ABR: variants seen among roughly 807,000 people sequenced by gnomAD.
ABR encodes the protein active breakpoint cluster region-related protein.
A neutral mutation model predicts 107.2 loss-of-function variants in ABR; 35 were observed. The ratio of observed to expected loss-of-function variants is 0.33; its 90% CI spans 0.25 to 0.43. The LOEUF (loss-of-function observed/expected upper bound fraction) is 0.43. Ranked by LOEUF, ABR falls within the 20% of genes least tolerant of loss-of-function variation. ABR has a pLI of 1.00. For synonymous variants in ABR, 498 were observed against 462.0 expected, an observed-to-expected ratio of 1.08 and a Z score of -1.00; for missense variants, 815 against 1,115.2, an observed-to-expected ratio of 0.73 and a Z score of 3.83.
chr17:1,200,514 T>C lies in ABR; in HGVS notation c.838+28279A>G, dbSNP rs1029031404. ...TCCTGGGGCCAATCCCCCATGAAAA[T>C]GGAGGGACAGGTGTAATTGGAGTGG... On this transcript the variant is annotated intron_variant, in intron 1 of 22. Coordinates refer to the ABR transcript ENST00000574139. The surrounding 1 kb of genome is among the most constrained non-coding windows in gnomAD (Gnocchi z 4.1). Among the ~76,000 whole-genome samples the C allele has an allele frequency of 1.3e-5, 2 of 151,618 alleles. No homozygotes were observed. Among genetic ancestry groups the C allele is most frequent in the African/African-American group, 2.4e-5 (1 of 41,254 alleles).
rs555195347 is a variant in ABR at position 1,020,396 on chromosome 17, TTGTC to T, written c.1792-7236_1792-7233del. Among the ~76,000 whole-genome samples the T allele has an allele frequency of 3.8e-4, 58 of 152,344 alleles. No homozygotes were observed. The East Asian group carries it at 5.6e-3, about 15-fold the overall frequency. On this transcript the variant is annotated intron_variant, in intron 16 of 22. Coordinates refer to ENST00000302538, the MANE Select transcript of ABR (RefSeq NM_021962.5). ...CTGCATCCGGCCGACTGTTTTCTCTTTGTCTGGGCACTTCGCCTGGTCAAATCAT... is the reference window on the plus strand; with the variant it reads ...CTGCATCCGGCCGACTGTTTTCTCTTTGGGCACTTCGCCTGGTCAAATCAT...
At chr17:1,064,275 G>C (rs1597630332) in intron 10 of ABR, among the ~76,000 whole-genome samples, 1 of 28,158 alleles carries the variant, frequency 3.6e-5, no homozygotes. Flanking sequence ...TGTTCCTCCA[G>C]ACACTGTTGT....
At chr17:1,137,405 G>A (rs187727563) in intron 1 of ABR, among the ~76,000 whole-genome samples, 5 of 149,680 alleles carry the variant, frequency 3.3e-5, no homozygotes, top group Non-Finnish European at 7.4e-5. Context: ...GCCACTGTAG[G>A]GTTACTCACT....
rs185784731 is a variant in ABR, at chr17:1,078,574, G to C, written c.700+756C>G. Among the ~76,000 whole-genome samples, 333 of 152,190 alleles carry C rather than the reference G, an allele frequency of 2.2e-3. 1 individual carries two copies. The highest frequency in any genetic ancestry group is 7.3e-3 in the African/African-American group (302 of 41,526). ...GCCCACCAATTCCCCACCGATCCTC[G>C]GGGCCACCTGGACCCCTCCAGCCTG... is the stretch of plus-strand genomic sequence containing the variant. On this transcript the variant is annotated intron_variant, in intron 6 of 22. Transcript: ENST00000302538. The surrounding 1 kb of genome is among the most constrained non-coding windows in gnomAD (Gnocchi z 7.5).
At chr17:1,080,597 C>A (rs540701956) in intron 5 of ABR, among the ~76,000 whole-genome samples, 1 of 151,602 alleles carries the variant, frequency 6.6e-6, no homozygotes, top group Non-Finnish European at 1.5e-5. Context: ...CCAAGGTCAG[C>A]TGCCCAGGTG....
intron 18 of ABR, 124 bp downstream of exon 18, chr17:1,012,564 C>T (rs992404449): frequency 1.2e-5 from 9 of 758,838 alleles, no homozygotes; most frequent in Non-Finnish European, 1.8e-5. Flanking sequence ...CCATCTGCCA[C>T]CGCCGAGCGG....
chr17:1,067,334 G>T, intron 9 of ABR, 92 bp from the exon 10 acceptor site: 1 of 1,112,012 alleles, frequency 9.0e-7, no homozygotes, highest in African/African-American at 3.5e-5. Context: ...CCACTGACAG[G>T]GGTTGACTGA....
Position 1,150,909 on chromosome 17 carries a change from CAT to C in ABR, c.62-25544_62-25543del, listed in dbSNP as rs1263818321. On this transcript the variant is annotated intron_variant, in intron 1 of 22. Coordinates refer to ENST00000302538, the MANE Select transcript of ABR (RefSeq NM_021962.5). The surrounding 1 kb of genome is among the most constrained non-coding windows in gnomAD (Gnocchi z 4.8). ...GCGCGTATGTGTGCATATATATACA[CAT>C]GTGCACACACACACTCCTGGGGGTG... Among the ~76,000 whole-genome samples, 1 of 152,280 alleles carries C rather than the reference CAT, an allele frequency of 6.6e-6. No individual in the cohort carries two copies. The highest frequency in any genetic ancestry group is 2.1e-4 in the South Asian group (1 of 4,830).
chr17:1,137,662 G>T (rs1039700427), intron 1 of ABR, among the ~76,000 whole-genome samples: 1 of 152,158 alleles, frequency 6.6e-6, no homozygotes, highest in Admixed American at 6.5e-5. Flanking sequence ...CCACCAACAC[G>T]TAACACAGAG....
chr17:1,087,441 C>T (rs571448141), intron 4 of ABR, among the ~76,000 whole-genome samples: 184 of 152,216 alleles, frequency 1.2e-3, no homozygotes, highest in African/African-American at 3.9e-3. Flanking sequence ...CAGAGGGGAG[C>T]GCGAGTGGGG....
intron 3 of ABR, among the ~76,000 whole-genome samples, chr17:1,099,086 CT>C (rs200011417): frequency 2.7e-5 from 4 of 150,432 alleles, no homozygotes; most frequent in African/African-American, 9.8e-5. Context: ...TGCACCCAGC[CT>C]TTTTTTTTGA....
At chr17:1,026,683 A>G (rs1168666338) in intron 16 of ABR, among the ~76,000 whole-genome samples, 1 of 152,192 alleles carries the variant, frequency 6.6e-6, no homozygotes, top group Admixed American at 6.5e-5. Flanking sequence ...CAGGCAGGTC[A>G]CAGGCGCAGG....
At chr17:1,137,725 T>C (rs924409303) in intron 1 of ABR, among the ~76,000 whole-genome samples, 7 of 152,056 alleles carry the variant, frequency 4.6e-5, no homozygotes, top group African/African-American at 1.7e-4. Context: ...CGCAGCATCT[T>C]TGAAGCTCAA....
At chr17:1,221,179 A>G (rs1484539048) in intron 1 of ABR, among the ~76,000 whole-genome samples, 1 of 152,156 alleles carries the variant, frequency 6.6e-6, no homozygotes, top group Non-Finnish European at 1.5e-5. Context: ...CAGAGCCCCT[A>G]TTTTACTTGA....
intron 16 of ABR, among the ~76,000 whole-genome samples, chr17:1,028,761 C>T (rs553387758): frequency 1.2e-3 from 185 of 152,322 alleles, no homozygotes; most frequent in African/African-American, 4.0e-3. Context: ...TACACCCTGC[C>T]GGCTCAGCCT....
At chr17:1,013,263 G>C (rs1388604171) in intron 16 of ABR, 99 bp from the exon 17 acceptor site, 8 of 1,151,812 alleles carry the variant, frequency 6.9e-6, no homozygotes, top group South Asian at 6.2e-5. Flanking sequence ...TACACAGTCA[G>C]GAAGGCGGAA....
chr17:1,023,066 G>C (rs1392509486), intron 16 of ABR, among the ~76,000 whole-genome samples: 3 of 149,124 alleles, frequency 2.0e-5, no homozygotes, highest in African/African-American at 7.5e-5. Flanking sequence ...CCGCTCCAGC[G>C]CCTCTGCCGG....
At chr17:1,067,284 G>C in intron 9 of ABR, 42 bp from the exon 10 acceptor site, 1 of 1,522,178 alleles carries the variant, frequency 6.6e-7, no homozygotes, top group Middle Eastern at 2.3e-4. Flanking sequence ...GAGGGAGCCT[G>C]GCTCTTCCAG....
intron 16 of ABR, among the ~76,000 whole-genome samples, chr17:1,029,546 G>C (rs1328567626): frequency 6.6e-6 from 1 of 152,120 alleles, no homozygotes; most frequent in Non-Finnish European, 1.5e-5. Context: ...CATCACTCAG[G>C]GCAAAGTTAA....
Sources: allele counts gnomAD v4.1 joint callset (sites outside exome capture counted in the v4.1 genomes callset), GRCh38; gene constraint gnomAD v4.1.1; non-coding constraint Gnocchi (gnomAD v3.1); transcripts MANE v1.5; gene names NCBI Gene and HGNC (gene_info 2026-07-23, HGNC 2026-07-21).